Variants in ACOXL observed in about 807,000 individuals in gnomAD.
The protein encoded by ACOXL is acyl-coenzyme A oxidase-like protein.
In ACOXL, 70 loss-of-function variants were observed where a neutral mutation model predicts 71.9. The observed-to-expected ratio is 0.97, with a 90% CI of 0.80 to 1.19. The LOEUF (loss-of-function observed/expected upper bound fraction) is 1.19, where lower values mean the gene tolerates loss of function less well. Ranked by LOEUF, ACOXL falls within the 50% of genes most tolerant of loss-of-function variation. ACOXL has a pLI of 0.00. For missense variants in ACOXL, 703 were observed against 736.3 expected (o/e 0.95, Z 0.52); for synonymous variants, 253 against 281.6 (o/e 0.90, Z 1.02).
chr2:110,759,578 T>C (rs62162649), intron 1 of ACOXL, among the ~76,000 whole-genome samples: 2,753 of 152,298 alleles, frequency 0.018, 41 homozygotes, highest in South Asian at 0.055. Flanking sequence ...TGCACATGGA[T>C]AGGTCTCTTG....
At chr2:111,104,232 G>A (rs2069376152) in intron 17 of ACOXL, among the ~76,000 whole-genome samples, 2 of 152,142 alleles carry the variant, frequency 1.3e-5, no homozygotes, top group Admixed American at 6.5e-5. Flanking sequence ...CTCACACATT[G>A]AAGGATATGT....
At chr2:111,087,202 C>T (rs531908593) in intron 16 of ACOXL, among the ~76,000 whole-genome samples, 3 of 152,244 alleles carry the variant, frequency 2.0e-5, no homozygotes, top group East Asian at 1.9e-4. Flanking sequence ...TAGGAAGAAT[C>T]AATATTGATA....
rs1047782997 is a variant in ACOXL at position 110,921,396 on chromosome 2, C to CG, written c.906-12093_906-12092insG. On this transcript the variant is annotated intron_variant, in intron 11 of 17. Coordinates refer to ENST00000439055, the MANE Select transcript of ACOXL (RefSeq NM_001142807.4). ...TGTGTCTCTATATATCCACCCCCCC[C>CG]CCCCTTTTTTTTTTGAGGCAGAGTC... Among the ~76,000 whole-genome samples, 6 of 130,770 alleles carry CG rather than the reference C, an allele frequency of 4.6e-5. No homozygotes were observed. The East Asian group carries it at 1.2e-3, about 26-fold the overall frequency. 85.8% of individuals were successfully genotyped at this position (130,770 alleles called of 152,430 possible).
At chr2:111,041,609 T>C (rs2065789396) in intron 15 of ACOXL, among the ~76,000 whole-genome samples, 1 of 152,218 alleles carries the variant, frequency 6.6e-6, no homozygotes, top group Non-Finnish European at 1.5e-5. Context: ...CCCCCGGCTC[T>C]ACACCTTGCT....
intron 14 of ACOXL, among the ~76,000 whole-genome samples, 175 bp downstream of exon 14, chr2:110,996,179 A>G (rs2063389275): frequency 6.6e-6 from 1 of 152,234 alleles, no homozygotes; most frequent in Admixed American, 6.5e-5. Context: ...TCTAGAGGCC[A>G]GGATGCTTCT....
chr2:110,741,975 G>T (rs892017376), intron 1 of ACOXL, among the ~76,000 whole-genome samples: 1 of 152,180 alleles, frequency 6.6e-6, no homozygotes, highest in Admixed American at 6.5e-5. Context: ...AACCTGCAAG[G>T]GATAGAATTC....
intron 10 of ACOXL, among the ~76,000 whole-genome samples, chr2:110,888,981 C>T (rs1163734798): frequency 1.3e-5 from 2 of 152,190 alleles, no homozygotes; most frequent in Admixed American, 6.5e-5. Context: ...AAACCAAAGA[C>T]GCCAGACCAG....
intron 11 of ACOXL, among the ~76,000 whole-genome samples, chr2:110,919,332 C>A (rs537314692): frequency 6.7e-6 from 1 of 148,958 alleles, no homozygotes; most frequent in African/African-American, 2.5e-5. Flanking sequence ...CACATGTTCT[C>A]GCTCATAAGT....
chr2:110,979,909 G>T (rs2149520178), intron 12 of ACOXL, among the ~76,000 whole-genome samples: 1 of 152,274 alleles, frequency 6.6e-6, no homozygotes, highest in Admixed American at 6.5e-5. Flanking sequence ...TTCAACAGAA[G>T]GTAAGCACAT....
At chr2:110,765,804 A>G (rs908017170) in intron 1 of ACOXL, among the ~76,000 whole-genome samples, 1 of 152,216 alleles carries the variant, frequency 6.6e-6, no homozygotes, top group Non-Finnish European at 1.5e-5. Context: ...CCTACTTTCT[A>G]ATATAATCAC....
intron 9 of ACOXL, among the ~76,000 whole-genome samples, chr2:110,814,221 T>A (rs1370369908): frequency 6.6e-6 from 1 of 152,156 alleles, no homozygotes; most frequent in Non-Finnish European, 1.5e-5. Flanking sequence ...CAGGCCTCCT[T>A]CTCCACTGTG....
intron 11 of ACOXL, among the ~76,000 whole-genome samples, chr2:110,910,706 T>C (rs2059622124): frequency 6.6e-6 from 1 of 152,210 alleles, no homozygotes; most frequent in African/African-American, 2.4e-5. Flanking sequence ...GCTGTCGACA[T>C]TGAGTACTTT....
chr2:110,825,529 C>A (rs149203604), intron 9 of ACOXL, among the ~76,000 whole-genome samples: 161 of 152,186 alleles, frequency 1.1e-3, no homozygotes, highest in Non-Finnish European at 1.2e-3. Context: ...GGACGTCCTC[C>A]GGCTTTTTTC....
chr2:110,840,891 C>G (rs1330208538), intron 9 of ACOXL, among the ~76,000 whole-genome samples: 2 of 152,194 alleles, frequency 1.3e-5, no homozygotes, highest in African/African-American at 4.8e-5. Context: ...GACTCTGGCC[C>G]AGGTGGCCTG....
chr2:111,023,293 G>C (rs532750437), intron 14 of ACOXL, among the ~76,000 whole-genome samples: 1 of 152,214 alleles, frequency 6.6e-6, no homozygotes, highest in South Asian at 2.1e-4. Flanking sequence ...ATGGATCTGG[G>C]GCTAGGTACA....
intron 13 of ACOXL, among the ~76,000 whole-genome samples, chr2:110,989,844 C>T (rs911201911): frequency 2.0e-5 from 3 of 152,016 alleles, no homozygotes; most frequent in African/African-American, 7.3e-5. Context: ...AGTTTGAGAC[C>T]AGCCTGGGCA....
intron 1 of ACOXL, among the ~76,000 whole-genome samples, chr2:110,733,931 G>T (rs1303543535): frequency 6.6e-6 from 1 of 152,174 alleles, no homozygotes; most frequent in Non-Finnish European, 1.5e-5. Flanking sequence ...AAAGTTATTA[G>T]CTTTTTCACT....
intron 11 of ACOXL, 57 bp downstream of exon 11, chr2:110,908,962 T>A (rs924677456): frequency 2.1e-5 from 28 of 1,308,150 alleles, no homozygotes; most frequent in Non-Finnish European, 3.0e-5. Flanking sequence ...CTGGCATGAG[T>A]AAGAATTCAG....
intron 14 of ACOXL, among the ~76,000 whole-genome samples, chr2:111,027,454 T>C (rs576875802): frequency 3.9e-5 from 6 of 152,130 alleles, no homozygotes; most frequent in Non-Finnish European, 7.4e-5. Context: ...CCCGGGTAGC[T>C]GGGACTACAG....
Sources: allele counts gnomAD v4.1 joint callset (sites outside exome capture counted in the v4.1 genomes callset), GRCh38; gene constraint gnomAD v4.1.1; transcripts MANE v1.5; gene names NCBI Gene and HGNC (gene_info 2026-07-23, HGNC 2026-07-21).